NEK7: variants seen among roughly 807,000 people sequenced by gnomAD.
NEK7 encodes the protein NIMA related kinase 7.
Under a neutral mutation model 44.6 loss-of-function variants are expected in NEK7, and 18 were observed. That is an observed-to-expected ratio of 0.40 (90% CI 0.28 to 0.60). The LOEUF is 0.60. NEK7 is among the 20% of genes least tolerant of loss of function. NEK7 has a pLI of 0.38. For missense variants in NEK7, 256 were observed against 366.5 expected, an observed-to-expected ratio of 0.70 and a Z score of 2.46; for synonymous variants, 130 against 121.1, an observed-to-expected ratio of 1.07 and a Z score of -0.48.
intron 1 of NEK7, among the ~76,000 whole-genome samples, chr1:198,160,313 AT>A (rs761820121): frequency 0.054 from 7,803 of 143,594 alleles, 272 homozygotes; most frequent in Non-Finnish European, 0.074. Context: ...GTTTCCCTTG[AT>A]TTTTTTTTTT....
intron 2 of NEK7, among the ~76,000 whole-genome samples, chr1:198,251,823 C>G (rs1653008428): frequency 6.6e-6 from 1 of 152,052 alleles, no homozygotes; most frequent in African/African-American, 2.4e-5. Flanking sequence ...TTTCAAAAAA[C>G]CAGCTCCTGG....
intron 1 of NEK7, among the ~76,000 whole-genome samples, chr1:198,169,639 C>G (rs535771773): frequency 6.8e-5 from 10 of 147,834 alleles, no homozygotes; most frequent in Non-Finnish European, 1.5e-4. Context: ...CTTCTCCACT[C>G]TATGCTTTTC....
chr1:198,271,119 T>C (rs1653830266), intron 5 of NEK7, among the ~76,000 whole-genome samples: 3 of 152,052 alleles, frequency 2.0e-5, no homozygotes, highest in African/African-American at 7.2e-5. Flanking sequence ...GGAGAGTTTC[T>C]CTGGATTCAG....
In NEK7 at chr1:198,260,264, A is replaced by AT. The variant is rs143460350; in HGVS notation, c.199-2304dup. The stretch of plus-strand genomic sequence containing the variant: ...TATGGTTTGTTCTTTAATACTGGTA[A>AT]TTTTTTTAACCCCTGCTATTGGTGT... On this transcript the variant is annotated intron_variant, in intron 3 of 9. Transcript: ENST00000367385. Among the ~76,000 whole-genome samples the AT allele has an allele frequency of 7.1e-3, 1,071 of 151,708 alleles. 72 individuals are homozygous for AT. In the East Asian group the frequency reaches 0.16, roughly 23 times the overall value.
At chr1:198,170,880 A>G (rs1000902809) in intron 1 of NEK7, among the ~76,000 whole-genome samples, 1 of 152,170 alleles carries the variant, frequency 6.6e-6, no homozygotes, top group Admixed American at 6.5e-5. Flanking sequence ...TCGCATCAAA[A>G]TAGAATCAAG....
At chr1:198,175,467 A>G (rs1031783848) in intron 1 of NEK7, among the ~76,000 whole-genome samples, 4 of 152,220 alleles carry the variant, frequency 2.6e-5, no homozygotes, top group Non-Finnish European at 5.9e-5. Flanking sequence ...GATAAAATTC[A>G]TACTATGAAT....
intron 9 of NEK7, among the ~76,000 whole-genome samples, chr1:198,314,768 C>G (rs986961588): frequency 3.9e-5 from 6 of 152,200 alleles, no homozygotes; most frequent in African/African-American, 9.7e-5. Flanking sequence ...CAGAGACCCA[C>G]TTGAGGAGGC....
At chr1:198,204,013 T>G (rs960793017) in intron 1 of NEK7, among the ~76,000 whole-genome samples, 1 of 152,176 alleles carries the variant, frequency 6.6e-6, no homozygotes, top group East Asian at 1.9e-4. Context: ...TCCCAGCACT[T>G]TGGGAGCCTG....
chr1:198,194,939 A>G (rs1031324710), intron 1 of NEK7, among the ~76,000 whole-genome samples: 1 of 152,174 alleles, frequency 6.6e-6, no homozygotes, highest in Admixed American at 6.5e-5. Context: ...CCGACAGTGT[A>G]TAAGTGTTCC....
chr1:198,165,208 CT>C (rs1187725037), intron 1 of NEK7, among the ~76,000 whole-genome samples: 1 of 152,174 alleles, frequency 6.6e-6, no homozygotes, highest in African/African-American at 2.4e-5. Context: ...GAATCAACTT[CT>C]TCCAAACTCC....
intron 1 of NEK7, chr1:198,207,316 T>A (rs1467585406): frequency 6.6e-6 from 1 of 152,198 alleles, no homozygotes; most frequent in Admixed American, 6.5e-5. Context: ...TTTACATTTA[T>A]CCTTAACTTA....
At chr1:198,226,905 A>T (rs1348042434) in intron 1 of NEK7, among the ~76,000 whole-genome samples, 1 of 151,902 alleles carries the variant, frequency 6.6e-6, no homozygotes, top group East Asian at 1.9e-4. Flanking sequence ...TTTAGGGTAC[A>T]TATACACAAC....
chr1:198,209,193 G>A (rs895504874), intron 1 of NEK7, among the ~76,000 whole-genome samples: 2 of 147,560 alleles, frequency 1.4e-5, no homozygotes, highest in East Asian at 2.0e-4. Flanking sequence ...CAGAAGGAGC[G>A]CTTGTCTGAA....
chr1:198,159,690 C>A (rs1229297967), intron 1 of NEK7, among the ~76,000 whole-genome samples: 1 of 152,128 alleles, frequency 6.6e-6, no homozygotes, highest in Admixed American at 6.6e-5. Flanking sequence ...CCATTGCTTT[C>A]CCCCTTTCAT....
At chr1:198,295,019 G>A (rs1004468826) in intron 8 of NEK7, among the ~76,000 whole-genome samples, 6 of 151,222 alleles carry the variant, frequency 4.0e-5, no homozygotes, top group South Asian at 4.2e-4. Context: ...CAATGAAGAC[G>A]TAGGAAGCCT....
chr1:198,160,326 T>TTG (rs1286268481), intron 1 of NEK7, among the ~76,000 whole-genome samples: 1 of 152,098 alleles, frequency 6.6e-6, no homozygotes, highest in Non-Finnish European at 1.5e-5. Context: ...TTTTTTTTTT[T>TTG]TTAAATAGGC....
chr1:198,159,297 G>A (rs1377823327), intron 1 of NEK7, among the ~76,000 whole-genome samples: 1 of 152,118 alleles, frequency 6.6e-6, no homozygotes, highest in East Asian at 1.9e-4. Flanking sequence ...CCTGGAGAAA[G>A]AAAGAAAGGA....
At chr1:198,310,218 G>GT (rs1655136456) in intron 9 of NEK7, among the ~76,000 whole-genome samples, 1 of 152,090 alleles carries the variant, frequency 6.6e-6, no homozygotes, top group African/African-American at 2.4e-5. Context: ...TTTTTCATGT[G>GT]TTTTTTGGCT....
intron 5 of NEK7, among the ~76,000 whole-genome samples, chr1:198,276,708 T>G (rs1234724005): frequency 6.6e-6 from 1 of 151,798 alleles, no homozygotes; most frequent in Non-Finnish European, 1.5e-5. Context: ...TTCTGTAATA[T>G]GTGTTATAAG....
Sources: gnomAD v4.1 joint callset for allele counts (sites outside exome capture counted in the v4.1 genomes callset) on GRCh38, gnomAD v4.1.1 for gene constraint, MANE v1.5 for transcripts, NCBI Gene and HGNC (gene_info 2026-07-23, HGNC 2026-07-21) for gene names.